TSHZ3: variants seen among roughly 807,000 people sequenced by gnomAD.
TSHZ3 encodes teashirt zinc finger homeobox 3, also known as teashirt homolog 3.
A neutral mutation model predicts 64.5 loss-of-function variants in TSHZ3; 10 were observed. The ratio of observed to expected loss-of-function variants is 0.16; its 90% CI spans 0.10 to 0.26. The LOEUF is 0.26. Ranked by LOEUF, TSHZ3 falls within the 10% of genes least tolerant of loss-of-function variation. The pLI is 1.00. For missense variants in TSHZ3, 1,242 were observed against 1,421.7 expected (o/e 0.87, Z 2.03); for synonymous variants, 608 against 593.1 (o/e 1.03, Z -0.36).
chr19:31,226,062 G>T (rs1420452470), intron 4 of TSHZ3, among the ~76,000 whole-genome samples: 1 of 151,606 alleles, frequency 6.6e-6, no homozygotes, highest in Non-Finnish European at 1.5e-5. Context: ...GGAGATGGAG[G>T]TTGCAGTGAG....
chr19:31,177,100 C>A (rs1396586975), intron 5 of TSHZ3, among the ~76,000 whole-genome samples: 1 of 152,154 alleles, frequency 6.6e-6, no homozygotes, highest in Non-Finnish European at 1.5e-5. Context: ...GAGAATATTC[C>A]TGCCCTATCC....
At chr19:31,186,063 CT>C (rs1346606172) in intron 5 of TSHZ3, among the ~76,000 whole-genome samples, 1 of 152,202 alleles carries the variant, frequency 6.6e-6, no homozygotes, top group Non-Finnish European at 1.5e-5. Context: ...ATCTTTTCAT[CT>C]GTTCTTTTAA....
In TSHZ3 at chr19:31,220,223, C is replaced by A. The variant is rs531095146; in HGVS notation, n.686+7782G>T. Among the ~76,000 whole-genome samples the A allele has an allele frequency of 9.9e-5, 15 of 152,250 alleles. No homozygotes were observed. The South Asian group carries it at 1.0e-3, about 11-fold the overall frequency. On this transcript the variant is annotated intron_variant and non_coding_transcript_variant, in intron 4 of 6. Transcript: ENST00000651361. ...TTACTGAAGTGAGAAGCATCGGCTG[C>A]AACTTTAAGAGGAAGGAACAGGGGC...
intron 1 of TSHZ3, among the ~76,000 whole-genome samples, chr19:31,342,757 A>C (rs1917474767): frequency 6.6e-6 from 1 of 152,192 alleles, no homozygotes; most frequent in Admixed American, 6.5e-5. Flanking sequence ...CCACTTTGGG[A>C]AACAAATATA....
intron 1 of TSHZ3, among the ~76,000 whole-genome samples, chr19:31,285,179 C>T (rs1976434401): frequency 6.6e-6 from 1 of 152,164 alleles, no homozygotes; most frequent in Admixed American, 6.5e-5. Flanking sequence ...CTCAAATACC[C>T]TCTTCAGGAA....
rs117925011 is a variant in TSHZ3 at position 31,174,525 on chromosome 19, G to A, written n.810-18108C>T. On this transcript the variant is annotated intron_variant and non_coding_transcript_variant, in intron 5 of 6. Coordinates refer to the TSHZ3 transcript ENST00000651361. ...ATAACAATAATCTGGGCATCCTGTG[G>A]CCCAGATCACCTAAAATGAACCATC... Among the ~76,000 whole-genome samples, 7 of 152,262 alleles carry A rather than the reference G, an allele frequency of 4.6e-5. No homozygotes were observed. The East Asian group carries it at 1.4e-3, about 29-fold the overall frequency.
At chr19:31,243,780 CT>C in intron 1 of TSHZ3, among the ~76,000 whole-genome samples, 1 of 152,234 alleles carries the variant, frequency 6.6e-6, no homozygotes, top group Non-Finnish European at 1.5e-5. Flanking sequence ...TCTCTGTGAC[CT>C]TAGGAAGCTT....
chr19:31,267,084 T>C (rs1941312231), intron 1 of TSHZ3, among the ~76,000 whole-genome samples: 2 of 152,342 alleles, frequency 1.3e-5, no homozygotes, highest in South Asian at 4.1e-4. Flanking sequence ...CTTGGCATGA[T>C]TGTGGACTAC....
At chr19:31,251,540 A>G (rs939450077) in intron 1 of TSHZ3, among the ~76,000 whole-genome samples, 1 of 152,050 alleles carries the variant, frequency 6.6e-6, no homozygotes, top group African/African-American at 2.4e-5. Context: ...CCAGAAGATA[A>G]AGGATTCCCT....
chr19:31,277,150 C>A lies in TSHZ3; in HGVS notation c.2643G>T (p.Glu881Asp), dbSNP rs771968174. The change falls in exon 2 of 2, where the codon GAG (glutamate) becomes GAT (aspartate). Residue 881 changes from glutamate (E) to aspartate (D), a missense_variant. This residue lies in a region of TSHZ3 where 550 missense variants were observed against 545.1 expected (regional missense o/e 1.01). Transcript: ENST00000240587. The surrounding 1 kb of genome is among the most constrained non-coding windows in gnomAD (Gnocchi z 4.5). ...TCTGGGCGGGCGTCGACTCCTCAGC[C>A]TCCTCCAGAGTGGCCCCGTCAATGT... ...KSDIDGATLEEAEESTPAQKR... is the reference protein window; with the variant it reads ...KSDIDGATLEDAEESTPAQKR... 1 of 1,612,594 alleles carries A rather than the reference C, an allele frequency of 6.2e-7. No homozygotes were observed. The highest frequency in any genetic ancestry group is 8.5e-7 in the Non-Finnish European group (1 of 1,179,024).
chr19:31,321,802 G>T (rs1027427616), intron 1 of TSHZ3, among the ~76,000 whole-genome samples: 1 of 151,918 alleles, frequency 6.6e-6, no homozygotes, highest in African/African-American at 2.4e-5. Flanking sequence ...TTATGTATGA[G>T]TAAACGCATT....
chr19:31,277,713 G>T lies in TSHZ3; in HGVS notation c.2080C>A (p.Leu694Met). 6.6e-7 allele frequency: 1 copy of T among 1,523,940 alleles called. No homozygotes were observed. The allele number at this position is 1,523,940 out of a possible 1,614,324, so 94.4% of individuals were successfully genotyped here. Residue 694 changes from leucine to methionine, a missense_variant, in exon 2 of 2, where the codon CTG becomes ATG. Leu to Met is a conservative substitution (Grantham distance 15, BLOSUM62 2). Transcript: ENST00000240587. The surrounding 1 kb of genome is among the most constrained non-coding windows in gnomAD (Gnocchi z 4.5). ...AAACTGCTGGCTAGGGGCTTCACCA[G>T]CTCCTTGCCATTCTCCACCGGCTCA... is the stretch of plus-strand genomic sequence containing the variant. The part of the protein sequence containing the change: ...LAEPVENGKE[L>M]VKPLASSLSG...
chr19:31,182,447 T>C (rs1169091461), intron 5 of TSHZ3, among the ~76,000 whole-genome samples: 1 of 152,124 alleles, frequency 6.6e-6, no homozygotes, highest in Non-Finnish European at 1.5e-5. Flanking sequence ...TTTGGAAATG[T>C]GCATGCAACA....
intron 1 of TSHZ3, among the ~76,000 whole-genome samples, chr19:31,258,352 C>A (rs996217646): frequency 6.6e-6 from 1 of 152,146 alleles, no homozygotes; most frequent in Admixed American, 6.5e-5. Flanking sequence ...TTGATCCAGG[C>A]CTCAGCCACA....
rs1270874522 is a variant in TSHZ3, at chr19:31,276,999, G to A, written c.2794C>T (p.Arg932Trp). 1 of 1,612,622 alleles carries A rather than the reference G, an allele frequency of 6.2e-7. No homozygotes were observed. The highest frequency in any genetic ancestry group is 1.3e-5 in the African/African-American group (1 of 74,914). The change falls in exon 2 of 2, where the codon CGG (arginine) becomes TGG (tryptophan). Residue 932 changes from arginine (R) to tryptophan (W), a missense_variant. Arg to Trp is a moderately radical substitution (Grantham distance 101). This residue lies in a region of TSHZ3 where 550 missense variants were observed against 545.1 expected (regional missense o/e 1.01). Transcript: ENST00000240587. ...YIMSDLSPQE[R>W]MHISRFTGLS... ...CCGGTGAACCTGGAGATATGCATCC[G>A]CTCCTGGGGGCTCAGGTCTGACATG...
intron 5 of TSHZ3, chr19:31,204,633 G>C (rs1212034593): frequency 6.6e-6 from 1 of 152,206 alleles, no homozygotes; most frequent in Non-Finnish European, 1.5e-5. Flanking sequence ...AGAATGTTAA[G>C]TTACTGACAA....
intron 4 of TSHZ3, among the ~76,000 whole-genome samples, chr19:31,205,950 G>A (rs1259681218): frequency 6.6e-6 from 1 of 152,210 alleles, no homozygotes; most frequent in Admixed American, 6.5e-5. Context: ...TGGATGGAGG[G>A]ATGAATGAGT....
chr19:31,331,910 C>T (rs905900454), intron 1 of TSHZ3, among the ~76,000 whole-genome samples: 2 of 152,174 alleles, frequency 1.3e-5, no homozygotes, highest in Non-Finnish European at 2.9e-5. Flanking sequence ...TCACCTCCCC[C>T]GGGCACTTTC....
At chr19:31,258,833 G>T (rs981429911) in intron 1 of TSHZ3, among the ~76,000 whole-genome samples, 5 of 152,164 alleles carry the variant, frequency 3.3e-5, no homozygotes, top group Admixed American at 3.3e-4. Context: ...GGGCCCTAGG[G>T]CTGGCTTCCC....
Sources: gnomAD v4.1 joint callset for allele counts (sites outside exome capture counted in the v4.1 genomes callset) on GRCh38, gnomAD v4.1.1 for gene constraint, gnomAD v4.1.1 regional missense constraint, Gnocchi (gnomAD v3.1) non-coding constraint, MANE v1.5 for transcripts, NCBI Gene and HGNC (gene_info 2026-07-23, HGNC 2026-07-21) for gene names.